PCDHA7: variants seen among roughly 807,000 people sequenced by gnomAD.
The protein encoded by PCDHA7 is protocadherin alpha-7.
In PCDHA7, 37 loss-of-function variants were observed where a neutral mutation model predicts 57.2. The ratio of observed to expected loss-of-function variants is 0.65; its 90% CI spans 0.50 to 0.85. The LOEUF (loss-of-function observed/expected upper bound fraction) is 0.85, where lower values mean the gene tolerates loss of function less well. Ranked by LOEUF, PCDHA7 falls within the 40% of genes least tolerant of loss-of-function variation. The probability of loss-of-function intolerance (pLI) is 0.00; values close to 1 mark genes in which losing one functional copy is unlikely to be tolerated. For missense variants in PCDHA7, 1,188 were observed against 1,241.8 expected (o/e 0.96, Z 0.65); for synonymous variants, 553 against 558.8 (o/e 0.99, Z 0.15).
At chr5:141,004,857 A>C (rs987029522) in intron 3 of PCDHA7, among the ~76,000 whole-genome samples, 2 of 152,150 alleles carry the variant, frequency 1.3e-5, no homozygotes, top group African/African-American at 4.8e-5. Context: ...TCAGAGAAAA[A>C]ATTTGTTTCT....
intron 1 of PCDHA7, chr5:140,869,302 G>C (rs985203011): frequency 6.2e-7 from 1 of 1,613,642 alleles, no homozygotes; most frequent in Admixed American, 1.7e-5. Context: ...GTTCCGGGTG[G>C]CGTCCAAAAC....
chr5:141,011,104 C>A lies in PCDHA7; in HGVS notation c.*1167C>A, dbSNP rs1396728499. On this transcript the variant is annotated 3_prime_UTR_variant, in exon 4 of 4. Transcript: ENST00000525929. ...GATCTCTCTTTCTCTCTCTCTCTCT[C>A]TTTTCTAAGAAACAATTATGTGCAC... is the stretch of plus-strand genomic sequence containing the variant. 6.5e-6 allele frequency: 1 copy of A among 153,726 alleles called. No individual in the cohort carries two copies. The highest frequency in any genetic ancestry group is 1.5e-5 in the Non-Finnish European group (1 of 68,028). The allele number at this position is 153,726 out of a possible 1,614,324, so 9.5% of individuals were successfully genotyped here. A position where few individuals can be genotyped will look rare whatever the true frequency, so the allele number is the denominator to read the frequency against.
intron 3 of PCDHA7, among the ~76,000 whole-genome samples, chr5:141,001,099 C>A (rs1554258004): frequency 6.6e-6 from 1 of 151,694 alleles, no homozygotes; most frequent in African/African-American, 2.4e-5. Context: ...CTGTCTAATC[C>A]ATAATAAGCA....
At chr5:140,838,663 T>C (rs1206585706) in intron 1 of PCDHA7, among the ~76,000 whole-genome samples, 3 of 152,036 alleles carry the variant, frequency 2.0e-5, no homozygotes, top group Admixed American at 1.3e-4. Flanking sequence ...TAACGGGGCA[T>C]GGTGGCACAC....
chr5:140,894,138 T>A (rs1224822611), intron 1 of PCDHA7, among the ~76,000 whole-genome samples: 2 of 152,112 alleles, frequency 1.3e-5, no homozygotes, highest in Non-Finnish European at 2.9e-5. Flanking sequence ...TTGAAATAAT[T>A]CCCTTCTATG....
At chr5:140,841,928 G>A in intron 1 of PCDHA7, 2 of 1,613,910 alleles carry the variant, frequency 1.2e-6, no homozygotes, top group Admixed American at 1.7e-5. Context: ...CTTGGACAGA[G>A]AGGACGCTCC....
intron 1 of PCDHA7, among the ~76,000 whole-genome samples, chr5:140,839,991 G>A (rs1554137668): frequency 1.3e-5 from 2 of 152,072 alleles, no homozygotes; most frequent in Admixed American, 1.3e-4. Flanking sequence ...AAAGTGGTTA[G>A]CCTTAGCACT....
Position 140,851,360 on chromosome 5 carries a change from A to C in PCDHA7, c.2355+14622A>C, listed in dbSNP as rs1554145369. 3.1e-6 allele frequency: 3 copies of C among 978,096 alleles called. No homozygotes were observed. In the African/African-American group the frequency reaches 5.2e-5, roughly 17 times the overall value. 60.6% of individuals were successfully genotyped at this position (978,096 alleles called of 1,614,324 possible). On this transcript the variant is annotated intron_variant, in intron 1 of 3. Transcript: ENST00000525929. ...TACATTTCTCTGGATGGAGACTGTG[A>C]ACATCTGATTGTTCAGCAACCTTCA...
chr5:140,981,407 C>G (rs1410838924), intron 2 of PCDHA7, among the ~76,000 whole-genome samples: 1 of 152,042 alleles, frequency 6.6e-6, no homozygotes, highest in Non-Finnish European at 1.5e-5. Flanking sequence ...AAACCTGTCT[C>G]TACTAAAAAT....
intron 1 of PCDHA7, among the ~76,000 whole-genome samples, chr5:140,844,191 G>A (rs1554140562): frequency 6.7e-6 from 1 of 149,410 alleles, no homozygotes; most frequent in South Asian, 2.1e-4. Flanking sequence ...CATCTTATCT[G>A]ACTTTTTAGT....
chr5:141,007,679 T>A (rs1362984196), intron 3 of PCDHA7, among the ~76,000 whole-genome samples: 2 of 152,186 alleles, frequency 1.3e-5, no homozygotes, highest in Admixed American at 6.5e-5. Context: ...ACAAAAGTTA[T>A]CCTACTTCCA....
chr5:140,835,757 C>T lies in PCDHA7; in HGVS notation c.1374C>T (p.Pro458=), dbSNP rs1467581889. The change falls in exon 1 of 4, where the codon CCC becomes CCT. Residue 458 remains proline (P), a synonymous_variant. Transcript: ENST00000525929. ...VNDNAPAFAQ[P]EYTVFVKENN... Reference sequence around the variant, plus strand: ...ACAACGCCCCGGCGTTCGCGCAGCCCGAGTATACGGTGTTCGTGAAGGAGA... The same window carrying T: ...ACAACGCCCCGGCGTTCGCGCAGCCTGAGTATACGGTGTTCGTGAAGGAGA... The T allele has an allele frequency of 2.5e-6, 4 of 1,613,278 alleles. No homozygotes were observed. The highest frequency in any genetic ancestry group is 1.7e-5 in the Admixed American group (1 of 59,996).
At position 140,988,717 on chromosome 5, in the gene PCDHA7, T is replaced by C. The variant is rs79402139; in HGVS notation, c.2503+6154T>C. Among the ~76,000 whole-genome samples, 1,208 of 152,334 alleles carry C rather than the reference T, an allele frequency of 7.9e-3. 20 individuals carry two copies. Among genetic ancestry groups the C allele is most frequent in the African/African-American group, 0.027 (1,139 of 41,566 alleles). On this transcript the variant is annotated intron_variant, in intron 3 of 3. Transcript: ENST00000525929. ...CTCTGTATTTTCTTGGACCTCTCATTTGCCCCATAGTAATTATTCTAGGAT... is the reference window on the plus strand; with the variant it reads ...CTCTGTATTTTCTTGGACCTCTCATCTGCCCCATAGTAATTATTCTAGGAT...
intron 1 of PCDHA7, among the ~76,000 whole-genome samples, chr5:140,934,198 A>G (rs918942390): frequency 3.7e-4 from 57 of 152,134 alleles, no homozygotes; most frequent in African/African-American, 1.3e-3. Context: ...TTTCATTTCT[A>G]TTTCCTCACA....
chr5:141,000,393 CTCTATATATATA>C (rs1208951211), intron 3 of PCDHA7, among the ~76,000 whole-genome samples: 9 of 52,848 alleles, frequency 1.7e-4, no homozygotes, highest in African/African-American at 6.4e-4. Context: ...CTCTCTCTCT[CTCTATATATATA>C]TATATATATA....
Position 140,836,538 on chromosome 5 carries a change from A to T in PCDHA7, c.2155A>T (p.Thr719Ser). ...GTTGGTGCTTACCCTGCTGCTGTAC[A>T]CGGCGTTGCGGTGCTCAGCGCCGTC... ...SLLVLTLLLYTALRCSAPSSE... is the reference protein window; with the variant it reads ...SLLVLTLLLYSALRCSAPSSE... The change falls in exon 1 of 4, where the codon ACG (threonine) becomes TCG (serine). Residue 719 changes from threonine to serine, a missense_variant. Physicochemically the swap from Thr to Ser is moderately conservative, Grantham distance 58 (BLOSUM62 1). Around this residue, in one of 3 missense-constraint regions of PCDHA7, gnomAD observed 892 missense variants for 788.5 expected, o/e 1.13. Transcript: ENST00000525929. 6.2e-7 allele frequency: 1 copy of T among 1,613,734 alleles called. No homozygotes were observed. Among genetic ancestry groups the T allele is most frequent in the Non-Finnish European group, 8.5e-7 (1 of 1,179,854 alleles).
chr5:141,002,195 A>G (rs2098065094), intron 3 of PCDHA7, among the ~76,000 whole-genome samples: 1 of 152,244 alleles, frequency 6.6e-6, no homozygotes, highest in South Asian at 2.1e-4. Flanking sequence ...CTGGCAAGAT[A>G]GTCCCCGGCT....
intron 1 of PCDHA7, among the ~76,000 whole-genome samples, chr5:140,921,475 A>G (rs1323812887): frequency 6.6e-6 from 1 of 152,074 alleles, no homozygotes; most frequent in Non-Finnish European, 1.5e-5. Context: ...CTACCAAACC[A>G]CTCTACCTGA....
chr5:140,947,539 C>G (rs144026826), intron 1 of PCDHA7, among the ~76,000 whole-genome samples: 3 of 151,678 alleles, frequency 2.0e-5, no homozygotes, highest in Admixed American at 2.0e-4. Context: ...TCAATTTCTA[C>G]AAAGAATTCC....
Sources: allele counts gnomAD v4.1 joint callset (sites outside exome capture counted in the v4.1 genomes callset), GRCh38; gene constraint gnomAD v4.1.1; regional missense constraint gnomAD v4.1.1; transcripts MANE v1.5; gene names NCBI Gene and HGNC (gene_info 2026-07-23, HGNC 2026-07-21).